Variants in SCFD2 observed in about 807,000 individuals in gnomAD.
SCFD2 encodes sec1 family domain-containing protein 2.
A neutral mutation model predicts 58.9 loss-of-function variants in SCFD2; 54 were observed. The observed-to-expected ratio is 0.92, with a 90% CI of 0.74 to 1.15. The LOEUF (loss-of-function observed/expected upper bound fraction) is 1.15, where lower values mean the gene tolerates loss of function less well. Ranked by LOEUF, SCFD2 falls within the 50% of genes most tolerant of loss-of-function variation. The pLI is 0.00. For synonymous variants in SCFD2, 321 were observed against 335.9 expected (o/e 0.96, Z 0.49); for missense variants, 805 against 836.6 (o/e 0.96, Z 0.47).
At chr4:52,896,573 A>G (rs1169778418) in intron 7 of SCFD2, among the ~76,000 whole-genome samples, 2 of 152,252 alleles carry the variant, frequency 1.3e-5, no homozygotes, top group South Asian at 4.1e-4. Context: ...GCCTTGTAGT[A>G]TAGTTTGAAG....
intron 5 of SCFD2, among the ~76,000 whole-genome samples, chr4:52,969,686 C>T (rs1216389388): frequency 6.6e-6 from 1 of 152,128 alleles, no homozygotes; most frequent in African/African-American, 2.4e-5. Flanking sequence ...GAGGTCTGAC[C>T]CCTTGGGCCT....
chr4:53,077,742 G>A (rs1219560863), intron 5 of SCFD2, among the ~76,000 whole-genome samples: 1 of 152,110 alleles, frequency 6.6e-6, no homozygotes, highest in East Asian at 1.9e-4. Context: ...CTGGCCTCAT[G>A]AACATTTATT....
Position 53,213,415 on chromosome 4 carries a change from C to T in SCFD2, c.1311+60411G>A, listed in dbSNP as rs543096716. 1.4e-4 allele frequency among the ~76,000 whole-genome samples: 21 copies of T among 152,122 alleles called. 1 individual carries two copies. The highest frequency in any genetic ancestry group is 4.3e-4 in the African/African-American group (18 of 41,476). ...ATTCATTTCTCATCAGGGACCTGAC[C>T]TTTGATACAAAAAGGGGTCTGAAAT... On this transcript the variant is annotated intron_variant, in intron 4 of 8. Transcript: ENST00000401642.
chr4:52,896,669 TTAAAG>T (rs1422623316), intron 7 of SCFD2, among the ~76,000 whole-genome samples: 4 of 152,232 alleles, frequency 2.6e-5, no homozygotes, highest in Non-Finnish European at 5.9e-5. Flanking sequence ...CATATGAACT[TTAAAG>T]TAGTTTTTTC....
chr4:53,149,821 A>T (rs986437818), intron 4 of SCFD2, among the ~76,000 whole-genome samples: 1 of 152,190 alleles, frequency 6.6e-6, no homozygotes. Context: ...AAAAATCCCA[A>T]CTGAGCAACA....
chr4:53,232,307 G>C (rs188564832), intron 4 of SCFD2, among the ~76,000 whole-genome samples: 54 of 152,230 alleles, frequency 3.5e-4, no homozygotes, highest in African/African-American at 1.3e-3. Flanking sequence ...CTACAATAAA[G>C]ATTTTTTTTA....
chr4:53,293,235 T>C (rs1164493260), intron 3 of SCFD2, among the ~76,000 whole-genome samples: 2 of 151,904 alleles, frequency 1.3e-5, no homozygotes, highest in African/African-American at 4.8e-5. Context: ...TTCTCACTTA[T>C]AAGTGGGAGC....
chr4:53,136,791 A>G (rs765324650), intron 5 of SCFD2, among the ~76,000 whole-genome samples: 1 of 152,210 alleles, frequency 6.6e-6, no homozygotes, highest in East Asian at 1.9e-4. Context: ...CAGAGCCTCT[A>G]CATTCTATTA....
chr4:53,090,066 G>C (rs1301782262), intron 5 of SCFD2, among the ~76,000 whole-genome samples: 1 of 152,148 alleles, frequency 6.6e-6, no homozygotes, highest in Admixed American at 6.6e-5. Flanking sequence ...GCATAGTTTT[G>C]CAATGGAAAA....
chr4:53,087,795 G>T (rs1577716830), intron 5 of SCFD2, among the ~76,000 whole-genome samples: 1 of 151,560 alleles, frequency 6.6e-6, no homozygotes, highest in Non-Finnish European at 1.5e-5. Context: ...CGAGTAGCTG[G>T]GATTACAGGC....
chr4:53,059,521 G>C (rs1723444249), intron 5 of SCFD2, among the ~76,000 whole-genome samples: 2 of 152,192 alleles, frequency 1.3e-5, no homozygotes, highest in South Asian at 4.1e-4. Flanking sequence ...CAGAGCCTGA[G>C]TATTTAAACA....
chr4:53,349,156 A>G (rs1734143133), intron 2 of SCFD2, among the ~76,000 whole-genome samples: 1 of 152,238 alleles, frequency 6.6e-6, no homozygotes, highest in South Asian at 2.1e-4. Context: ...GAGTCACAGC[A>G]GGGGCTCAGT....
chr4:53,260,605 T>C (rs1388832368), intron 4 of SCFD2, among the ~76,000 whole-genome samples: 1 of 152,200 alleles, frequency 6.6e-6, no homozygotes, highest in African/African-American at 2.4e-5. Context: ...ATGATCTTTT[T>C]GACATGCTGG....
chr4:53,104,357 C>A (rs376497574), intron 5 of SCFD2, among the ~76,000 whole-genome samples: 41 of 152,200 alleles, frequency 2.7e-4, no homozygotes, highest in African/African-American at 9.4e-4. Context: ...CAGACTCATC[C>A]CAGCTAAGAG....
intron 5 of SCFD2, among the ~76,000 whole-genome samples, chr4:53,055,837 T>G (rs1577691067): frequency 6.6e-6 from 1 of 151,960 alleles, no homozygotes; most frequent in Non-Finnish European, 1.5e-5. Flanking sequence ...GGTATTGGAG[T>G]GTGTGCCCAC....
chr4:53,352,455 T>C lies in SCFD2; in HGVS notation c.1007+143A>G, dbSNP rs1398872553. On this transcript the variant is annotated intron_variant, in intron 2 of 8. Coordinates refer to ENST00000401642, the MANE Select transcript of SCFD2 (RefSeq NM_152540.4). ...TGGTTATTTCAAAATTAAGAAAAAATGCTTTTTGCTAAATGCTACCCACTG... is the reference window on the plus strand; with the variant it reads ...TGGTTATTTCAAAATTAAGAAAAAACGCTTTTTGCTAAATGCTACCCACTG... 3 of 553,972 alleles carry C rather than the reference T, an allele frequency of 5.4e-6. No individual in the cohort carries two copies. The East Asian group carries it at 8.7e-5, about 16-fold the overall frequency. 34.3% of individuals were successfully genotyped at this position (553,972 alleles called of 1,614,324 possible). A position where few individuals can be genotyped will look rare whatever the true frequency, so the allele number is the denominator to read the frequency against.
At position 53,274,004 on chromosome 4, in the gene SCFD2, G is replaced by A; in HGVS notation, c.1136-3C>T. ...GAGCTGTCCCGGTGTGACTCTCCCTGGAAACATAAGAATTTATCAGTGTAC... is the reference window on the plus strand; with the variant it reads ...GAGCTGTCCCGGTGTGACTCTCCCTAGAAACATAAGAATTTATCAGTGTAC... On this transcript the variant is annotated splice_region_variant and splice_polypyrimidine_tract_variant and intron_variant, in intron 3 of 8. Transcript: ENST00000401642. 3.1e-6 allele frequency: 5 copies of A among 1,605,306 alleles called. No homozygotes were observed. Among genetic ancestry groups the A allele is most frequent in the South Asian group, 1.1e-5 (1 of 88,870 alleles).
chr4:53,099,805 C>G lies in SCFD2; in HGVS notation c.1561+45528G>C, dbSNP rs2368380. ...TCCCATTAGGGACTACCTCCAACACCGGGGATCAAATTTCAACATGAGGTT... is the reference window on the plus strand; with the variant it reads ...TCCCATTAGGGACTACCTCCAACACGGGGGATCAAATTTCAACATGAGGTT... On this transcript the variant is annotated intron_variant, in intron 5 of 8. Coordinates refer to ENST00000401642, the MANE Select transcript of SCFD2 (RefSeq NM_152540.4). 1.2e-4 allele frequency among the ~76,000 whole-genome samples: 19 copies of G among 152,210 alleles called. 2 individuals carry two copies. Among genetic ancestry groups the G allele is most frequent in the African/African-American group, 4.6e-4 (19 of 41,524 alleles).
At chr4:52,953,234 G>T (rs1720640549) in intron 5 of SCFD2, among the ~76,000 whole-genome samples, 1 of 152,170 alleles carries the variant, frequency 6.6e-6, no homozygotes, top group Non-Finnish European at 1.5e-5. Context: ...TCTAAAAGCA[G>T]CCATTTAACT....
Sources: gnomAD v4.1 joint callset for allele counts (sites outside exome capture counted in the v4.1 genomes callset) on GRCh38, gnomAD v4.1.1 for gene constraint, MANE v1.5 for transcripts, NCBI Gene and HGNC (gene_info 2026-07-23, HGNC 2026-07-21) for gene names.